Variants in TTC9C observed in about 807,000 individuals in gnomAD.
TTC9C encodes the protein tetratricopeptide repeat domain 9C, also known as tetratricopeptide repeat protein 9C.
In TTC9C, 15 loss-of-function variants were observed where a neutral mutation model predicts 22.5. The observed-to-expected ratio is 0.67, with a 90% CI of 0.45 to 1.03. TTC9C has a LOEUF of 1.03. TTC9C is among the 50% of genes least tolerant of loss of function. The pLI, the probability that TTC9C is intolerant of heterozygous loss-of-function variation, is 0.00. For missense variants in TTC9C, 244 were observed against 214.6 expected (o/e 1.14, Z -0.86); for synonymous variants, 92 against 86.8 (o/e 1.06, Z -0.33).
intron 1 of TTC9C, among the ~76,000 whole-genome samples, chr11:62,729,424 A>G (rs963996968): frequency 1.3e-5 from 2 of 148,994 alleles, no homozygotes; most frequent in Non-Finnish European, 3.0e-5. Context: ...TTTGAGATGG[A>G]GTCTCGCTCT....
At chr11:62,736,124 C>G (rs1293014418) in intron 2 of TTC9C, 2 of 147,576 alleles carry the variant, frequency 1.4e-5, no homozygotes, top group Non-Finnish European at 3.0e-5. Flanking sequence ...GTAAACCCAG[C>G]TACTCGGGAG....
intron 1 of TTC9C, among the ~76,000 whole-genome samples, chr11:62,730,780 TC>T (rs760276200): frequency 2.3e-4 from 35 of 151,712 alleles, no homozygotes; most frequent in East Asian, 2.2e-3. Context: ...TTCATGTTGG[TC>T]AGACTGGTCT....
At chr11:62,734,870 T>G (rs1309645260) in intron 1 of TTC9C, among the ~76,000 whole-genome samples, 1 of 152,144 alleles carries the variant, frequency 6.6e-6, no homozygotes, top group African/African-American at 2.4e-5. Context: ...AATCAGTAAA[T>G]ATTGAAGTAG....
At chr11:62,729,674 C>CT (rs1194970829) in intron 1 of TTC9C, among the ~76,000 whole-genome samples, 1 of 149,870 alleles carries the variant, frequency 6.7e-6, no homozygotes, top group Non-Finnish European at 1.5e-5. Context: ...CTCCCGAGTT[C>CT]AAGCGATTCT....
chr11:62,738,312 A>G lies in TTC9C; in HGVS notation c.446A>G (p.Gln149Arg), dbSNP rs1253735533. 8.7e-6 allele frequency: 14 copies of G among 1,612,850 alleles called. No individual in the cohort carries two copies. Among genetic ancestry groups the G allele is most frequent in the Non-Finnish European group, 1.1e-5 (13 of 1,179,448 alleles). ...PKDANVRRYL[Q>R]LTQSELSSYH... ...GATGCCAACGTCCGGCGGTACCTCC[A>G]GCTGACACAGTCAGAACTCAGCAGC... The change falls in exon 3 of 3, where the codon CAG becomes CGG. Residue 149 changes from glutamine (Q) to arginine (R), a missense_variant. Transcript: ENST00000316461.
chr11:62,731,651 C>A (rs545782257), intron 1 of TTC9C, among the ~76,000 whole-genome samples: 2 of 151,982 alleles, frequency 1.3e-5, no homozygotes, highest in East Asian at 3.9e-4. Flanking sequence ...ACTCTGACTT[C>A]ATTCATTCTC....
chr11:62,731,042 C>G (rs1472392366), intron 1 of TTC9C, among the ~76,000 whole-genome samples: 2 of 151,884 alleles, frequency 1.3e-5, no homozygotes. Flanking sequence ...GCACCTGCCA[C>G]CATGCCTGGC....
chr11:62,733,138 C>T, intron 1 of TTC9C: 1 of 1,288,372 alleles, frequency 7.8e-7, no homozygotes, highest in Non-Finnish European at 1.0e-6. Context: ...GGGAGTGTTT[C>T]CCTTCTTAAT....
rs546753760 is a variant in TTC9C, at chr11:62,731,931, C to T, written c.238+2845C>T. The stretch of plus-strand genomic sequence containing the variant: ...CCATCTCCTGACCTAGTGATCCTCC[C>T]GCCTTGGCCTCCCAAAGTGCTGGGA... On this transcript the variant is annotated intron_variant, in intron 1 of 2. Transcript: ENST00000316461. Among the ~76,000 whole-genome samples, 17 of 146,992 alleles carry T rather than the reference C, an allele frequency of 1.2e-4. No individual in the cohort carries two copies. In the South Asian group the frequency reaches 1.3e-3, roughly 11 times the overall value.
intron 2 of TTC9C, among the ~76,000 whole-genome samples, chr11:62,736,459 C>T (rs1448591424): frequency 2.0e-5 from 3 of 151,940 alleles, no homozygotes; most frequent in African/African-American, 7.3e-5. Flanking sequence ...CTTTGGGAGG[C>T]CGAGGTGGGC....
At chr11:62,732,109 C>A (rs2083858023) in intron 1 of TTC9C, among the ~76,000 whole-genome samples, 1 of 150,268 alleles carries the variant, frequency 6.7e-6, no homozygotes, top group African/African-American at 2.5e-5. Context: ...CATTCCCCTG[C>A]CTCAGTCTCC....
rs1215376170 is a variant in TTC9C, at chr11:62,735,391, T to C, written c.248T>C (p.Leu83Pro). 2.5e-6 allele frequency: 4 copies of C among 1,613,990 alleles called. No individual in the cohort carries two copies. Among genetic ancestry groups the C allele is most frequent in the Non-Finnish European group, 3.4e-6 (4 of 1,179,986 alleles). ...DCYNNLAACL[L>P]QMEPVNYERV... ...TCATTTGGCCCATTAGCTTGTCTCC[T>C]TCAGATGGAGCCCGTGAACTACGAA... Residue 83 changes from leucine to proline, a missense_variant, in exon 2 of 3, where the codon CTT becomes CCT. Transcript: ENST00000316461.
At chr11:62,731,897 G>A (rs1219752294) in intron 1 of TTC9C, among the ~76,000 whole-genome samples, 1 of 150,028 alleles carries the variant, frequency 6.7e-6, no homozygotes. Flanking sequence ...TTGTTAGCCA[G>A]GATGGTCTCC....
chr11:62,731,827 G>A (rs970596440), intron 1 of TTC9C, among the ~76,000 whole-genome samples: 13 of 150,370 alleles, frequency 8.6e-5, no homozygotes, highest in South Asian at 2.1e-4. Flanking sequence ...GACTACAGGC[G>A]CCCACCACCA....
rs192663576 is a variant in TTC9C, at chr11:62,728,508, C to T, written c.-341C>T. ...GCCAGTGTCCCAGGCGTTCTCACGC[C>T]CGCAACAATTCCTGAGTAGGGCCTT... On this transcript the variant is annotated 5_prime_UTR_variant, in exon 1 of 3. Transcript: ENST00000316461. 2 of 488,214 alleles carry T rather than the reference C, an allele frequency of 4.1e-6. No homozygotes were observed. The highest frequency in any genetic ancestry group is 8.1e-6 in the Non-Finnish European group (2 of 248,426). The allele number at this position is 488,214 out of a possible 1,614,324, so 30.2% of individuals were successfully genotyped here. A position where few individuals can be genotyped will look rare whatever the true frequency, so the allele number is the denominator to read the frequency against.
At chr11:62,733,029 C>A in intron 1 of TTC9C, 2 of 576,002 alleles carry the variant, frequency 3.5e-6, no homozygotes, top group Non-Finnish European at 5.3e-6. Flanking sequence ...ATACAGACAT[C>A]AGCACAGGCC....
intron 1 of TTC9C, among the ~76,000 whole-genome samples, chr11:62,733,610 T>A (rs1359999003): frequency 6.8e-6 from 1 of 146,662 alleles, no homozygotes; most frequent in African/African-American, 2.5e-5. Context: ...ATTTATCTAA[T>A]TTTTTTTTTT....
intron 1 of TTC9C, among the ~76,000 whole-genome samples, chr11:62,730,321 C>T (rs574691314): frequency 2.0e-5 from 3 of 152,150 alleles, no homozygotes. Flanking sequence ...GTGATTCGCC[C>T]GCCTCGGCCT....
chr11:62,728,486 A>C lies in TTC9C; in HGVS notation c.-363A>C, dbSNP rs769152478. On this transcript the variant is annotated 5_prime_UTR_variant, in exon 1 of 3. Coordinates refer to ENST00000316461, the MANE Select transcript of TTC9C (RefSeq NM_173810.4). ...CGGGTCCAATAGAAAGGCGGAAGCC[A>C]GTGTCCCAGGCGTTCTCACGCCCGC... The C allele has an allele frequency of 1.9e-5, 9 of 476,058 alleles. No homozygotes were observed. The highest frequency in any genetic ancestry group is 1.4e-4 in the South Asian group (9 of 64,742). 29.5% of individuals were successfully genotyped at this position (476,058 alleles called of 1,614,324 possible).
Sources: allele counts gnomAD v4.1 joint callset (sites outside exome capture counted in the v4.1 genomes callset), GRCh38; gene constraint gnomAD v4.1.1; transcripts MANE v1.5; gene names NCBI Gene and HGNC (gene_info 2026-07-23, HGNC 2026-07-21).